Variants in WASF3 observed in about 807,000 individuals in gnomAD.
WASF3 encodes the protein WASP family member 3.
WASF3 carries 11 observed loss-of-function variants against 46.6 expected under a neutral mutation model. That is an observed-to-expected ratio of 0.24 (90% CI 0.15 to 0.39). The LOEUF (loss-of-function observed/expected upper bound fraction) is 0.39, where lower values mean the gene tolerates loss of function less well. Among genes scored for constraint, WASF3 ranks in the 10% least tolerant of loss-of-function variants. The probability of loss-of-function intolerance (pLI) is 1.00; values close to 1 mark genes in which losing one functional copy is unlikely to be tolerated. For missense variants in WASF3, 576 were observed against 669.8 expected (o/e 0.86, Z 1.55); for synonymous variants, 242 against 259.7 (o/e 0.93, Z 0.65).
At chr13:26,637,909 A>G (rs1052376801) in intron 2 of WASF3, among the ~76,000 whole-genome samples, 2 of 152,228 alleles carry the variant, frequency 1.3e-5, no homozygotes, top group African/African-American at 4.8e-5. Flanking sequence ...GGTCTGAGCA[A>G]CAGACACCAA....
chr13:26,560,683 C>T (rs1278164962), intron 1 of WASF3, among the ~76,000 whole-genome samples: 2 of 152,188 alleles, frequency 1.3e-5, no homozygotes, highest in Middle Eastern at 3.2e-3. Flanking sequence ...GTAGGAGCCT[C>T]ATGCATGACC....
In WASF3 at chr13:26,687,097, T is replaced by G. The variant is rs1253039536; in HGVS notation, c.*1252T>G. 1 of 152,288 alleles carries G rather than the reference T, an allele frequency of 6.6e-6. No individual in the cohort carries two copies. The highest frequency in any genetic ancestry group is 1.5e-5 in the Non-Finnish European group (1 of 68,078). 9.4% of individuals were successfully genotyped at this position (152,288 alleles called of 1,614,324 possible). ...CTCCACCCTTCCTGTTGTTCCCACGTGGGCAATACCAGGGACCCATGGGGA... is the reference window on the plus strand; with the variant it reads ...CTCCACCCTTCCTGTTGTTCCCACGGGGGCAATACCAGGGACCCATGGGGA... On this transcript the variant is annotated 3_prime_UTR_variant, in exon 10 of 10. Transcript: ENST00000335327.
intron 5 of WASF3, among the ~76,000 whole-genome samples, 200 bp from the exon 6 acceptor site, chr13:26,671,672 G>GTTA (rs1238480908): frequency 5.3e-5 from 8 of 152,034 alleles, no homozygotes; most frequent in Admixed American, 4.6e-4. Flanking sequence ...CCTACAACAG[G>GTTA]TTATTCTACA....
chr13:26,559,829 T>TCTTTCTTTCTTTCTTTC (rs1455852488), intron 1 of WASF3, among the ~76,000 whole-genome samples: 1 of 132,196 alleles, frequency 7.6e-6, no homozygotes, highest in Non-Finnish European at 1.6e-5. Context: ...TTTTTTTTTT[T>TCTTTCTTTCTTTCTTTC]TTTTTGAGAC....
At chr13:26,598,629 A>G (rs1469971452) in intron 1 of WASF3, among the ~76,000 whole-genome samples, 4 of 152,176 alleles carry the variant, frequency 2.6e-5, no homozygotes, top group African/African-American at 7.2e-5. Flanking sequence ...TTGGATTCAC[A>G]TAGTTTGAGA....
Position 26,658,461 on chromosome 13 carries a change from C to T in WASF3, c.134-6567C>T, listed in dbSNP as rs144145466. ...GTTATTAGGCGTTTCCAGGCCCAGTCACTATGAGAACATGATATGTTAGAT... is the reference window on the plus strand; with the variant it reads ...GTTATTAGGCGTTTCCAGGCCCAGTTACTATGAGAACATGATATGTTAGAT... On this transcript the variant is annotated intron_variant, in intron 3 of 9. Coordinates refer to ENST00000335327, the MANE Select transcript of WASF3 (RefSeq NM_006646.6). 2.6e-4 allele frequency among the ~76,000 whole-genome samples: 40 copies of T among 152,310 alleles called. No homozygotes were observed. The East Asian group carries it at 7.5e-3, about 29-fold the overall frequency.
In WASF3 at chr13:26,672,845, C is replaced by G. The variant is rs186912952; in HGVS notation, c.540+856C>G. Among the ~76,000 whole-genome samples the G allele has an allele frequency of 1.2e-4, 18 of 152,134 alleles. No homozygotes were observed. The East Asian group carries it at 1.5e-3, about 13-fold the overall frequency. ...TTGGTCTGGAGGAGAATTTGAAAAT[C>G]GAAAACAGCATTAAAGGGAAGAGAA... is the stretch of plus-strand genomic sequence containing the variant. On this transcript the variant is annotated intron_variant, in intron 6 of 9. Coordinates refer to ENST00000335327, the MANE Select transcript of WASF3 (RefSeq NM_006646.6).
intron 6 of WASF3, among the ~76,000 whole-genome samples, chr13:26,672,474 A>AG (rs1361918475): frequency 1.3e-5 from 2 of 152,196 alleles, no homozygotes; most frequent in Non-Finnish European, 2.9e-5. Flanking sequence ...CCTCCCTTTA[A>AG]GGGGTAGGGG....
intron 7 of WASF3, among the ~76,000 whole-genome samples, chr13:26,678,228 T>C (rs1486609546): frequency 6.6e-6 from 1 of 152,210 alleles, no homozygotes; most frequent in Non-Finnish European, 1.5e-5. Flanking sequence ...AACTCATCAT[T>C]GTATTGGATT....
chr13:26,623,845 C>T (rs1306430803), intron 2 of WASF3, among the ~76,000 whole-genome samples: 1 of 152,104 alleles, frequency 6.6e-6, no homozygotes, highest in Non-Finnish European at 1.5e-5. Context: ...ACAGGATGAT[C>T]AGGAACACTG....
chr13:26,634,859 G>C (rs1050561928), intron 2 of WASF3, among the ~76,000 whole-genome samples: 3 of 152,328 alleles, frequency 2.0e-5, no homozygotes, highest in African/African-American at 7.2e-5. Flanking sequence ...GAGATCCACT[G>C]TTAGTCTGAT....
At chr13:26,599,002 C>T (rs1880562117) in intron 1 of WASF3, among the ~76,000 whole-genome samples, 1 of 152,034 alleles carries the variant, frequency 6.6e-6, no homozygotes. Context: ...TCATGAGTAG[C>T]TGGGATTACA....
chr13:26,589,326 G>A (rs1403483165), intron 1 of WASF3, among the ~76,000 whole-genome samples: 1 of 152,166 alleles, frequency 6.6e-6, no homozygotes, highest in Non-Finnish European at 1.5e-5. Context: ...AGTGGAGGGG[G>A]CAGTGCCTGG....
At chr13:26,669,340 A>C (rs1453764772) in intron 5 of WASF3, among the ~76,000 whole-genome samples, 1 of 130,112 alleles carries the variant, frequency 7.7e-6, no homozygotes, top group Non-Finnish European at 1.6e-5. Flanking sequence ...GCCTCCTGAT[A>C]TCTTTGACTT....
chr13:26,670,339 C>T (rs770218996), intron 5 of WASF3, among the ~76,000 whole-genome samples: 1 of 151,094 alleles, frequency 6.6e-6, no homozygotes, highest in Non-Finnish European at 1.5e-5. Flanking sequence ...ACATACCGGG[C>T]CTGTTGGGGG....
rs138786104 is a variant in WASF3, at chr13:26,647,367, T to C, written c.133+4964T>C. On this transcript the variant is annotated intron_variant, in intron 3 of 9. Coordinates refer to ENST00000335327, the MANE Select transcript of WASF3 (RefSeq NM_006646.6). Reference sequence around the variant, plus strand: ...CGCTTGGCAAACAGTTTTAGGTGTGTTACTTGGTTTTCCAGCTAGGGAATT... The same window carrying C: ...CGCTTGGCAAACAGTTTTAGGTGTGCTACTTGGTTTTCCAGCTAGGGAATT... 2.2e-3 allele frequency among the ~76,000 whole-genome samples: 341 copies of C among 152,270 alleles called. 1 individual carries two copies. Among genetic ancestry groups the C allele is most frequent in the African/African-American group, 7.1e-3 (294 of 41,546 alleles).
intron 2 of WASF3, among the ~76,000 whole-genome samples, chr13:26,630,738 G>C (rs962682956): frequency 2.0e-5 from 3 of 152,222 alleles, no homozygotes; most frequent in African/African-American, 7.2e-5. Context: ...TCACCACACT[G>C]TCTTCCATAA....
At chr13:26,607,919 A>C (rs763849621) in intron 1 of WASF3, among the ~76,000 whole-genome samples, 2 of 152,162 alleles carry the variant, frequency 1.3e-5, no homozygotes, top group Non-Finnish European at 2.9e-5. Flanking sequence ...TACAGGCATG[A>C]GCCACCGTAC....
At chr13:26,656,561 C>T (rs1170083806) in intron 3 of WASF3, among the ~76,000 whole-genome samples, 2 of 151,868 alleles carry the variant, frequency 1.3e-5, no homozygotes, top group African/African-American at 2.4e-5. Flanking sequence ...AATTGTTTTT[C>T]CCCCACCAAG....
Sources: gnomAD v4.1 joint callset for allele counts (sites outside exome capture counted in the v4.1 genomes callset) on GRCh38, gnomAD v4.1.1 for gene constraint, MANE v1.5 for transcripts, NCBI Gene and HGNC (gene_info 2026-07-23, HGNC 2026-07-21) for gene names.